The following ADGRD1 variants were observed in gnomAD, a reference collection of about 807,000 sequenced individuals.
The protein encoded by ADGRD1 is adhesion G protein-coupled receptor D1, also known as G-protein coupled receptor 133.
In ADGRD1, 77 loss-of-function variants were observed where a neutral mutation model predicts 113.4. The ratio of observed to expected loss-of-function variants is 0.68; its 90% CI spans 0.57 to 0.82. The LOEUF (loss-of-function observed/expected upper bound fraction) is 0.82, where lower values mean the gene tolerates loss of function less well. ADGRD1 is among the 40% of genes least tolerant of loss of function. The pLI is 0.00. For missense variants in ADGRD1, 1,036 were observed against 1,139.1 expected (o/e 0.91, Z 1.30); for synonymous variants, 474 against 475.0 (o/e 1.00, Z 0.03).
intron 8 of ADGRD1, among the ~76,000 whole-genome samples, chr12:130,994,931 C>A (rs540101576): frequency 6.6e-6 from 1 of 152,192 alleles, no homozygotes; most frequent in African/African-American, 2.4e-5. Context: ...TCAGAACCTT[C>A]TAGAAGTGTG....
chr12:131,034,379 A>ACT (rs754447484), intron 13 of ADGRD1, among the ~76,000 whole-genome samples: 15 of 152,120 alleles, frequency 9.9e-5, no homozygotes, highest in Non-Finnish European at 2.1e-4. Flanking sequence ...TGCCGACCTG[A>ACT]CTGTCCTCCA....
intron 13 of ADGRD1, among the ~76,000 whole-genome samples, chr12:131,065,479 A>T (rs1260436695): frequency 6.6e-6 from 1 of 152,150 alleles, no homozygotes; most frequent in Admixed American, 6.5e-5. Flanking sequence ...ACAGAACCGG[A>T]GTCACCCCTG....
chr12:131,005,167 C>T (rs932721629), intron 11 of ADGRD1, among the ~76,000 whole-genome samples: 1 of 152,190 alleles, frequency 6.6e-6, no homozygotes, highest in Non-Finnish European at 1.5e-5. Context: ...GGTTCTCTGC[C>T]CTGTCCTCAA....
Position 130,966,396 on chromosome 12 carries a change from C to A in ADGRD1, c.104-67C>A. On this transcript the variant is annotated intron_variant, in intron 2 of 24. Transcript: ENST00000261654. The surrounding 1 kb of genome is among the most constrained non-coding windows in gnomAD (Gnocchi z 4.6). ...CTTCCCCCATAATGTGTGTGCTAAG[C>A]GGTTCTTACCCTCTGGTTCTTTCCT... 2.1e-6 allele frequency: 2 copies of A among 947,700 alleles called. No homozygotes were observed. Among genetic ancestry groups the A allele is most frequent in the Non-Finnish European group, 3.5e-6 (2 of 575,578 alleles). 58.7% of individuals were successfully genotyped at this position (947,700 alleles called of 1,614,324 possible). A position where few individuals can be genotyped will look rare whatever the true frequency, so the allele number is the denominator to read the frequency against.
intron 15 of ADGRD1, among the ~76,000 whole-genome samples, chr12:131,095,389 A>G (rs1362221741): frequency 6.6e-6 from 1 of 152,220 alleles, no homozygotes; most frequent in South Asian, 2.1e-4. Context: ...TTTAGAGGAG[A>G]AGCATATGTT....
rs1279586056 is a variant in ADGRD1 at position 131,060,284 on chromosome 12, G to A, written c.1474-16517G>A. Among the ~76,000 whole-genome samples the A allele has an allele frequency of 6.6e-6, 1 of 152,212 alleles. No homozygotes were observed. The highest frequency in any genetic ancestry group is 1.5e-5 in the Non-Finnish European group (1 of 68,030). ...ACTCAGCCTTTGCTCATAGAGGCTG[G>A]GTGGGGCCACACTTTCTCCCGTGGT... is the stretch of plus-strand genomic sequence containing the variant. On this transcript the variant is annotated intron_variant, in intron 13 of 24. Transcript: ENST00000261654. This position sits in a 1 kb window ranked among gnomAD's most constrained non-coding sequence, Gnocchi z 4.4.
chr12:131,118,750 C>G (rs1195932), intron 19 of ADGRD1, among the ~76,000 whole-genome samples: 73,325 of 152,052 alleles, frequency 0.48, 18,015 homozygotes, highest in East Asian at 0.72. Context: ...GTGGTCTTCT[C>G]AGACACAGTT....
At chr12:131,081,586 C>T (rs181400901) in intron 14 of ADGRD1, among the ~76,000 whole-genome samples, 10 of 152,298 alleles carry the variant, frequency 6.6e-5, no homozygotes, top group Admixed American at 2.6e-4. Context: ...TCCTCCTGCC[C>T]GTTCTGTGTG....
chr12:131,011,331 C>T (rs191750978), intron 12 of ADGRD1, among the ~76,000 whole-genome samples: 35 of 151,872 alleles, frequency 2.3e-4, no homozygotes, highest in African/African-American at 8.5e-4. Flanking sequence ...CACGTGTTCC[C>T]GGAGCGGAAT....
chr12:131,036,236 C>G (rs1336661580), intron 13 of ADGRD1, among the ~76,000 whole-genome samples: 1 of 151,192 alleles, frequency 6.6e-6, no homozygotes, highest in East Asian at 2.0e-4. Flanking sequence ...CTTACTGCAT[C>G]AGGCCTTACT....
chr12:130,992,768 G>A (rs994341241), intron 8 of ADGRD1, among the ~76,000 whole-genome samples: 42 of 152,376 alleles, frequency 2.8e-4, no homozygotes, highest in Admixed American at 7.8e-4. Flanking sequence ...GCCGTGGGGC[G>A]TGGGCCACAG....
At position 130,954,945 on chromosome 12, in the gene ADGRD1, TTCTTTCTC is replaced by T. The variant is rs1001072018; in HGVS notation, c.103+301_103+308del. Among the ~76,000 whole-genome samples the T allele has an allele frequency of 5.9e-5, 9 of 151,934 alleles. No homozygotes were observed. Among genetic ancestry groups the T allele is most frequent in the South Asian group, 2.1e-4 (1 of 4,804 alleles). On this transcript the variant is annotated intron_variant, in intron 2 of 24. Transcript: ENST00000261654. The surrounding 1 kb of genome is among the most constrained non-coding windows in gnomAD (Gnocchi z 4.7). ...CTTCATTTGAATGCCTTCTGCCTCT[TTCTTTCTC>T]TCTTTCTCTCTTTCTTCCTTTCTTC...
At chr12:131,018,389 C>T (rs557484516) in intron 13 of ADGRD1, among the ~76,000 whole-genome samples, 3 of 152,260 alleles carry the variant, frequency 2.0e-5, no homozygotes, top group South Asian at 2.1e-4. Context: ...CTGTGGAGGA[C>T]GCCCCCTGTG....
At chr12:130,972,008 T>G (rs548978831) in intron 4 of ADGRD1, among the ~76,000 whole-genome samples, 1 of 152,268 alleles carries the variant, frequency 6.6e-6, no homozygotes, top group South Asian at 2.1e-4. Flanking sequence ...TTGCGCCTGG[T>G]TTTGGTTCTT....
Position 131,084,451 on chromosome 12 carries a change from G to A in ADGRD1, c.1548-89G>A. ...GTGGGCGCCGCCATGAGTTCACGGG[G>A]CCATGTGTTATGGGGGGTGCTGCTC... On this transcript the variant is annotated intron_variant, in intron 14 of 24. Coordinates refer to ENST00000261654, the MANE Select transcript of ADGRD1 (RefSeq NM_198827.5). The surrounding 1 kb of genome is among the most constrained non-coding windows in gnomAD (Gnocchi z 4.5). The A allele has an allele frequency of 2.1e-6, 3 of 1,432,872 alleles. No individual in the cohort carries two copies. The highest frequency in any genetic ancestry group is 2.0e-6 in the Non-Finnish European group (2 of 1,024,722). The allele number at this position is 1,432,872 out of a possible 1,614,324, so 88.8% of individuals were successfully genotyped here. A position where few individuals can be genotyped will look rare whatever the true frequency, so the allele number is the denominator to read the frequency against.
At chr12:131,135,661 C>A (rs780010421) in intron 21 of ADGRD1, among the ~76,000 whole-genome samples, 1 of 152,116 alleles carries the variant, frequency 6.6e-6, no homozygotes. Flanking sequence ...CTGGACGCTG[C>A]GGGGGATGCT....
At chr12:130,982,266 G>A (rs1335459651) in intron 5 of ADGRD1, among the ~76,000 whole-genome samples, 1 of 152,178 alleles carries the variant, frequency 6.6e-6, no homozygotes, top group African/African-American at 2.4e-5. Context: ...CCTTTGGTTG[G>A]TGCAGAGCCT....
chr12:131,089,170 T>C (rs1051849256), intron 15 of ADGRD1, among the ~76,000 whole-genome samples: 1 of 152,190 alleles, frequency 6.6e-6, no homozygotes, highest in Non-Finnish European at 1.5e-5. Flanking sequence ...TGTGAAGAAC[T>C]TCCCTTGTCG....
chr12:131,026,859 A>G (rs1880024562), intron 13 of ADGRD1: 1 of 152,114 alleles, frequency 6.6e-6, no homozygotes, highest in Non-Finnish European at 1.5e-5. Flanking sequence ...ACTATTCCAT[A>G]TTCCATTATA....
Sources: gnomAD v4.1 joint callset for allele counts (sites outside exome capture counted in the v4.1 genomes callset) on GRCh38, gnomAD v4.1.1 for gene constraint, Gnocchi (gnomAD v3.1) non-coding constraint, MANE v1.5 for transcripts, NCBI Gene and HGNC (gene_info 2026-07-23, HGNC 2026-07-21) for gene names.